TMTC2: variants seen among roughly 807,000 people sequenced by gnomAD.
TMTC2 encodes the protein transmembrane O-mannosyltransferase targeting cadherins 2.
TMTC2 carries 43 observed loss-of-function variants against 82.4 expected under a neutral mutation model. The ratio of observed to expected loss-of-function variants is 0.52; its 90% CI spans 0.41 to 0.67. The LOEUF (loss-of-function observed/expected upper bound fraction) is 0.67. Ranked by LOEUF, TMTC2 falls within the 30% of genes least tolerant of loss-of-function variation. The pLI is 0.00. For synonymous variants in TMTC2, 408 were observed against 381.9 expected (o/e 1.07, Z -0.80); for missense variants, 919 against 1,012.4 (o/e 0.91, Z 1.25).
intron 3 of TMTC2, among the ~76,000 whole-genome samples, chr12:82,929,445 A>G (rs1875904449): frequency 6.6e-6 from 1 of 152,232 alleles, no homozygotes; most frequent in Non-Finnish European, 1.5e-5. Flanking sequence ...CAGATAAAGT[A>G]AACTGAAGCA....
In TMTC2 at chr12:83,041,696, A is replaced by G. The variant is rs76788876; in HGVS notation, c.2153-9208A>G. Among the ~76,000 whole-genome samples, 434 of 152,340 alleles carry G rather than the reference A, an allele frequency of 2.8e-3. 3 individuals are homozygous for G. Among genetic ancestry groups the G allele is most frequent in the African/African-American group, 9.9e-3 (410 of 41,578 alleles). Reference sequence around the variant, plus strand: ...GATAATTGCAGGAGGATGGAAGATTATAGGTAACCTTACAAATAAGAGAGT... The same window carrying G: ...GATAATTGCAGGAGGATGGAAGATTGTAGGTAACCTTACAAATAAGAGAGT... On this transcript the variant is annotated intron_variant, in intron 9 of 11. Transcript: ENST00000321196.
At chr12:83,068,263 G>A (rs1246568608) in intron 11 of TMTC2, among the ~76,000 whole-genome samples, 1 of 151,966 alleles carries the variant, frequency 6.6e-6, no homozygotes, top group African/African-American at 2.4e-5. Context: ...TTATTTAATT[G>A]AGCTATTATT....
rs573682028 is a variant in TMTC2, at chr12:82,832,511, G to T, written c.84-24499G>T. ...TCAGTATCTGAGTGAGGAGCATGGG[G>T]TACCTCTATATTTTGTCCTGTGTAA... On this transcript the variant is annotated intron_variant, in intron 1 of 11. Coordinates refer to ENST00000321196, the MANE Select transcript of TMTC2 (RefSeq NM_152588.3). 5.9e-5 allele frequency among the ~76,000 whole-genome samples: 9 copies of T among 152,156 alleles called. No homozygotes were observed. The East Asian group carries it at 1.5e-3, about 26-fold the overall frequency.
At chr12:83,046,695 A>G (rs11115561) in intron 9 of TMTC2, among the ~76,000 whole-genome samples, 50,179 of 152,022 alleles carry the variant, frequency 0.33, 8,900 homozygotes, top group South Asian at 0.41. Flanking sequence ...TTCTTCAGGG[A>G]AGAGCACCTG....
intron 11 of TMTC2, among the ~76,000 whole-genome samples, chr12:83,121,027 A>G (rs997339297): frequency 1.3e-5 from 2 of 152,174 alleles, no homozygotes; most frequent in Middle Eastern, 3.4e-3. Context: ...TACTTATGCT[A>G]TTTCAGTGAA....
chr12:82,772,695 T>C (rs11115402), intron 1 of TMTC2, among the ~76,000 whole-genome samples: 32,471 of 152,088 alleles, frequency 0.21, 3,832 homozygotes, highest in Middle Eastern at 0.37. Flanking sequence ...TCCTGGTCCA[T>C]GTTCCACCCC....
rs140728181 is a variant in TMTC2 at position 82,879,130 on chromosome 12, A to G, written c.655-16688A>G. 5.3e-5 allele frequency among the ~76,000 whole-genome samples: 8 copies of G among 152,294 alleles called. No homozygotes were observed. In the East Asian group the frequency reaches 1.5e-3, roughly 29 times the overall value. ...GCATTGACCAATCTGTGGCTGTATG[A>G]ACTTTTCCAGTGGGAGTTAATTGTC... On this transcript the variant is annotated intron_variant, in intron 2 of 11. Transcript: ENST00000321196.
intron 2 of TMTC2, among the ~76,000 whole-genome samples, chr12:82,868,484 CCAT>C (rs1467161539): frequency 5.9e-5 from 9 of 152,062 alleles, no homozygotes; most frequent in African/African-American, 2.2e-4. Context: ...TAATATCTTG[CCAT>C]CATCATCATC....
intron 1 of TMTC2, among the ~76,000 whole-genome samples, chr12:82,768,512 C>T (rs1442062706): frequency 6.6e-6 from 1 of 152,156 alleles, no homozygotes; most frequent in Non-Finnish European, 1.5e-5. Context: ...GCTCTCAGCC[C>T]TGCAAATTAA....
intron 9 of TMTC2, among the ~76,000 whole-genome samples, chr12:83,048,378 A>G (rs193286016): frequency 8.5e-4 from 130 of 152,276 alleles, no homozygotes; most frequent in African/African-American, 2.9e-3. Flanking sequence ...TGTGTTTTTT[A>G]TTTATAAATG....
intron 1 of TMTC2, among the ~76,000 whole-genome samples, chr12:82,722,729 A>G (rs1874273512): frequency 6.6e-6 from 1 of 152,140 alleles, no homozygotes; most frequent in South Asian, 2.1e-4. Flanking sequence ...GCAATGAAGC[A>G]AGACTCCCTC....
chr12:83,014,520 A>AG (rs1457557799), intron 8 of TMTC2, among the ~76,000 whole-genome samples: 1 of 152,076 alleles, frequency 6.6e-6, no homozygotes, highest in Non-Finnish European at 1.5e-5. Context: ...TTGTATTTTT[A>AG]GTAGAGACAG....
intron 8 of TMTC2, among the ~76,000 whole-genome samples, chr12:83,000,618 T>C (rs1879877531): frequency 6.6e-6 from 1 of 152,112 alleles, no homozygotes; most frequent in African/African-American, 2.4e-5. Context: ...CCTTTCCAGG[T>C]GCATGGTGCA....
At chr12:83,096,386 G>T (rs538379814) in intron 11 of TMTC2, among the ~76,000 whole-genome samples, 23 of 152,158 alleles carry the variant, frequency 1.5e-4, no homozygotes, top group African/African-American at 5.1e-4. Context: ...TCACTCATCA[G>T]TGTGGTTTTC....
chr12:82,946,818 T>A (rs1877025406), intron 4 of TMTC2, among the ~76,000 whole-genome samples: 1 of 149,990 alleles, frequency 6.7e-6, no homozygotes, highest in African/African-American at 2.5e-5. Flanking sequence ...CTCGGCTCAC[T>A]GCAAGCTCCA....
chr12:82,982,237 G>T (rs936605128), intron 7 of TMTC2, among the ~76,000 whole-genome samples: 1 of 151,740 alleles, frequency 6.6e-6, no homozygotes, highest in African/African-American at 2.4e-5. Flanking sequence ...AACTGTCCTT[G>T]TGCAAGTCAC....
intron 1 of TMTC2, among the ~76,000 whole-genome samples, chr12:82,780,624 T>C (rs1877853221): frequency 1.3e-5 from 2 of 152,248 alleles, no homozygotes; most frequent in Middle Eastern, 6.8e-3. Context: ...TTAGGAAATG[T>C]GCTTTAAAAA....
intron 1 of TMTC2, among the ~76,000 whole-genome samples, chr12:82,852,384 G>A (rs927857277): frequency 6.6e-6 from 1 of 152,016 alleles, no homozygotes; most frequent in African/African-American, 2.4e-5. Flanking sequence ...TGTGATTACA[G>A]GCGTGAGCCA....
chr12:82,884,282 T>C (rs889089516), intron 2 of TMTC2, among the ~76,000 whole-genome samples: 1 of 152,202 alleles, frequency 6.6e-6, no homozygotes, highest in Non-Finnish European at 1.5e-5. Flanking sequence ...AGAGGCATCC[T>C]TTCTTGATAC....
Sources: allele counts gnomAD v4.1 joint callset (sites outside exome capture counted in the v4.1 genomes callset), GRCh38; gene constraint gnomAD v4.1.1; transcripts MANE v1.5; gene names NCBI Gene and HGNC (gene_info 2026-07-23, HGNC 2026-07-21).